The following DLG2 variants were observed in gnomAD, a reference collection of about 807,000 sequenced individuals.
The protein encoded by DLG2 is discs large MAGUK scaffold protein 2, also known as disks large homolog 2.
In DLG2, 45 loss-of-function variants were observed where a neutral mutation model predicts 132.5. That is an observed-to-expected ratio of 0.34 (90% CI 0.27 to 0.44). The LOEUF is 0.44. Ranked by LOEUF, DLG2 falls within the 20% of genes least tolerant of loss-of-function variation. The probability of loss-of-function intolerance (pLI) is 1.00; values close to 1 mark genes in which losing one functional copy is unlikely to be tolerated. For missense variants in DLG2, 1,045 were observed against 1,196.9 expected, an observed-to-expected ratio of 0.87 and a Z score of 1.87; for synonymous variants, 424 against 419.6, an observed-to-expected ratio of 1.01 and a Z score of -0.13.
chr11:83,885,047 C>A (rs919419011), intron 15 of DLG2, among the ~76,000 whole-genome samples: 5 of 152,228 alleles, frequency 3.3e-5, no homozygotes, highest in African/African-American at 1.2e-4. Context: ...CGCCTCTCCT[C>A]CTCCAAAGGA....
At chr11:85,509,504 A>G (rs2094008997) in intron 3 of DLG2, among the ~76,000 whole-genome samples, 1 of 152,062 alleles carries the variant, frequency 6.6e-6, no homozygotes, top group Admixed American at 6.6e-5. Context: ...GGTTTGTCAG[A>G]GGAAAGACAA....
At chr11:84,063,156 C>T (rs1344806673) in intron 10 of DLG2, among the ~76,000 whole-genome samples, 1 of 152,188 alleles carries the variant, frequency 6.6e-6, no homozygotes, top group African/African-American at 2.4e-5. Context: ...TCTCCAATCT[C>T]ACTCTACCAA....
intron 7 of DLG2, among the ~76,000 whole-genome samples, chr11:84,327,112 C>CTTTTT (rs11290540): frequency 2.0e-4 from 24 of 119,000 alleles, no homozygotes; most frequent in Non-Finnish European, 3.1e-4. Flanking sequence ...TAATGAGAAT[C>CTTTTT]TTTTTTTTTT....
intron 6 of DLG2, among the ~76,000 whole-genome samples, chr11:84,866,790 A>G (rs2084639296): frequency 6.6e-6 from 1 of 152,206 alleles, no homozygotes; most frequent in Non-Finnish European, 1.5e-5. Flanking sequence ...AAAGTGAAGA[A>G]ACTTAAAAAG....
chr11:85,233,868 C>T lies in DLG2; in HGVS notation c.186+51352G>A, dbSNP rs1181723841. On this transcript the variant is annotated intron_variant, in intron 4 of 27. Transcript: ENST00000376104. ...GAGAATGGGGAAATATGTGTTGCAG[C>T]TTCAGTATGCCATCTTAAACTTGAA... Among the ~76,000 whole-genome samples, 5 of 151,762 alleles carry T rather than the reference C, an allele frequency of 3.3e-5. No individual in the cohort carries two copies. In the Admixed American group the frequency reaches 3.3e-4, roughly 10 times the overall value.
At chr11:83,771,516 T>G (rs1414006892) in intron 18 of DLG2, among the ~76,000 whole-genome samples, 2 of 152,224 alleles carry the variant, frequency 1.3e-5, no homozygotes, top group South Asian at 2.1e-4. Context: ...ACAACTAGGC[T>G]GTGTGGTATG....
At chr11:83,589,316 A>G (rs1246554749) in intron 19 of DLG2, among the ~76,000 whole-genome samples, 22 of 147,966 alleles carry the variant, frequency 1.5e-4, no homozygotes, top group Admixed American at 3.4e-4. Context: ...ACAAGCCAGA[A>G]GAGAGTGGGG....
chr11:85,320,057 T>C (rs2080952020), intron 3 of DLG2, among the ~76,000 whole-genome samples: 2 of 151,890 alleles, frequency 1.3e-5, no homozygotes, highest in African/African-American at 4.8e-5. Context: ...GAGCCTCTCA[T>C]ATATTTTCTA....
At chr11:83,780,135 C>G (rs1215105840) in intron 18 of DLG2, among the ~76,000 whole-genome samples, 5 of 152,126 alleles carry the variant, frequency 3.3e-5, no homozygotes, top group African/African-American at 1.2e-4. Flanking sequence ...TATGCATAAG[C>G]CTACATAGAT....
chr11:83,969,336 A>G (rs887868068), intron 12 of DLG2, among the ~76,000 whole-genome samples: 17 of 152,208 alleles, frequency 1.1e-4, no homozygotes, highest in African/African-American at 3.6e-4. Context: ...TAAAAGTAGA[A>G]TAAATTCCAA....
At chr11:83,485,193 A>AAAT (rs1267326077) in intron 21 of DLG2, among the ~76,000 whole-genome samples, 1 of 152,176 alleles carries the variant, frequency 6.6e-6, no homozygotes, top group Non-Finnish European at 1.5e-5. Context: ...GCTGAATTAA[A>AAAT]AATAACACAT....
At chr11:83,796,682 T>C (rs1198978692) in intron 17 of DLG2, among the ~76,000 whole-genome samples, 1 of 152,222 alleles carries the variant, frequency 6.6e-6, no homozygotes, top group East Asian at 1.9e-4. Flanking sequence ...GCTTACCCTA[T>C]GGTTCACTGT....
At chr11:84,867,414 T>G (rs560629793) in intron 6 of DLG2, among the ~76,000 whole-genome samples, 1 of 152,140 alleles carries the variant, frequency 6.6e-6, no homozygotes, top group Non-Finnish European at 1.5e-5. Context: ...AATTTCCAGG[T>G]AAGTAATCTT....
intron 4 of DLG2, among the ~76,000 whole-genome samples, chr11:85,269,090 G>A (rs2077378700): frequency 6.6e-6 from 1 of 152,190 alleles, no homozygotes; most frequent in Non-Finnish European, 1.5e-5. Context: ...AGGAATGTGT[G>A]TGCTTCAATC....
Position 84,355,212 on chromosome 11 carries a change from C to T in DLG2, c.520-103921G>A, listed in dbSNP as rs1249497288. 2.0e-5 allele frequency among the ~76,000 whole-genome samples: 3 copies of T among 152,014 alleles called. No individual in the cohort carries two copies. In the East Asian group the frequency reaches 5.8e-4, roughly 30 times the overall value. On this transcript the variant is annotated intron_variant, in intron 7 of 27. Transcript: ENST00000376104. ...GGATTTGAAGGACAAGTAGATGAGCCAAGTGATGAAGAGATGACAGGATCA... is the reference window on the plus strand; with the variant it reads ...GGATTTGAAGGACAAGTAGATGAGCTAAGTGATGAAGAGATGACAGGATCA...
intron 4 of DLG2, among the ~76,000 whole-genome samples, chr11:85,249,827 A>T (rs943858606): frequency 1.3e-5 from 2 of 152,194 alleles, no homozygotes; most frequent in Non-Finnish European, 2.9e-5. Context: ...ATGAATTTGC[A>T]TATTTCCTTG....
chr11:83,833,830 T>A, intron 16 of DLG2, 60 bp from the exon 17 acceptor site: 1 of 1,554,748 alleles, frequency 6.4e-7, no homozygotes. Context: ...TTACGTTGCT[T>A]TTACTTTCAA....
At chr11:83,652,750 T>G (rs564324256) in intron 18 of DLG2, among the ~76,000 whole-genome samples, 2 of 152,288 alleles carry the variant, frequency 1.3e-5, no homozygotes, top group South Asian at 2.1e-4. Flanking sequence ...AGGGTAGCCC[T>G]TCTGTGTATA....
chr11:84,370,098 A>G (rs1269997033), intron 7 of DLG2, among the ~76,000 whole-genome samples: 1 of 152,120 alleles, frequency 6.6e-6, no homozygotes, highest in African/African-American at 2.4e-5. Flanking sequence ...ATATCTTACA[A>G]GGAAGAGGAT....
Sources: gnomAD v4.1 joint callset for allele counts (sites outside exome capture counted in the v4.1 genomes callset) on GRCh38, gnomAD v4.1.1 for gene constraint, MANE v1.5 for transcripts, NCBI Gene and HGNC (gene_info 2026-07-23, HGNC 2026-07-21) for gene names.